SH3PXD2A: variants seen among roughly 807,000 people sequenced by gnomAD.
The protein encoded by SH3PXD2A is SH3 and PX domains 2A, also known as SH3 and PX domain-containing protein 2A.
In SH3PXD2A, 32 loss-of-function variants were observed where a neutral mutation model predicts 115.2. That is an observed-to-expected ratio of 0.28 (90% CI 0.21 to 0.37). The LOEUF (loss-of-function observed/expected upper bound fraction) is 0.37. Among genes scored for constraint, SH3PXD2A ranks in the 10% least tolerant of loss-of-function variants. The pLI, the probability that SH3PXD2A is intolerant of heterozygous loss-of-function variation, is 1.00. For missense variants in SH3PXD2A, 1,328 were observed against 1,498.7 expected, an observed-to-expected ratio of 0.89 and a Z score of 1.88; for synonymous variants, 610 against 629.1, an observed-to-expected ratio of 0.97 and a Z score of 0.45.
chr10:103,725,799 A>C (rs2038233785), intron 4 of SH3PXD2A, among the ~76,000 whole-genome samples: 1 of 152,208 alleles, frequency 6.6e-6, no homozygotes, highest in African/African-American at 2.4e-5. Context: ...ACTGCACCCC[A>C]GCCTGGGCAA....
intron 6 of SH3PXD2A, among the ~76,000 whole-genome samples, chr10:103,692,212 A>G (rs2037760931): frequency 6.6e-6 from 1 of 152,168 alleles, no homozygotes; most frequent in Non-Finnish European, 1.5e-5. Context: ...CCAGTTAACT[A>G]CAGCCCGCCC....
rs1171221946 is a variant in SH3PXD2A at position 103,661,173 on chromosome 10, G to T, written c.473-59C>A. On this transcript the variant is annotated intron_variant, in intron 7 of 14. Transcript: ENST00000369774. ...GGCCAGCCATGGCCCCGCGGCCAGG[G>T]CGCCCCCTGTCCATCGGCCTCCTCG... 14 of 1,584,316 alleles carry T rather than the reference G, an allele frequency of 8.8e-6. No homozygotes were observed. The South Asian group carries it at 1.0e-4, about 12-fold the overall frequency.
At chr10:103,820,453 A>G (rs1173215628) in intron 1 of SH3PXD2A, among the ~76,000 whole-genome samples, 18 of 152,130 alleles carry the variant, frequency 1.2e-4, no homozygotes, top group Non-Finnish European at 2.2e-4. Flanking sequence ...TTCCCGCCCC[A>G]ATTCCCCGGT....
At chr10:103,624,758 G>A (rs544511699) in intron 9 of SH3PXD2A, among the ~76,000 whole-genome samples, 1 of 152,288 alleles carries the variant, frequency 6.6e-6, no homozygotes, top group Admixed American at 6.5e-5. Context: ...TGGCTGGAGA[G>A]GGAACTAGTG....
chr10:103,725,932 G>T (rs904358921), intron 4 of SH3PXD2A, among the ~76,000 whole-genome samples: 1 of 152,194 alleles, frequency 6.6e-6, no homozygotes, highest in Non-Finnish European at 1.5e-5. Flanking sequence ...ACACCAGCAC[G>T]CAGGACCCTG....
At chr10:103,703,373 CA>C (rs1254093309) in intron 5 of SH3PXD2A, among the ~76,000 whole-genome samples, 1 of 152,226 alleles carries the variant, frequency 6.6e-6, no homozygotes, top group East Asian at 1.9e-4. Flanking sequence ...GCACCTCAGT[CA>C]GCTTAAGTCA....
In SH3PXD2A at chr10:103,746,505, A is replaced by G. The variant is rs1300654838; in HGVS notation, c.230-10697T>C. The stretch of plus-strand genomic sequence containing the variant: ...AGGCTAATTTTTTGTATTTTTTTGT[A>G]GAAACTGGGTTTCACCATGTAGCCC... On this transcript the variant is annotated intron_variant, in intron 3 of 14. Transcript: ENST00000369774. This position sits in a 1 kb window ranked among gnomAD's most constrained non-coding sequence, Gnocchi z 4.4. 6.6e-6 allele frequency among the ~76,000 whole-genome samples: 1 copy of G among 151,922 alleles called. No homozygotes were observed. Among genetic ancestry groups the G allele is most frequent in the Non-Finnish European group, 1.5e-5 (1 of 67,982 alleles).
chr10:103,664,326 T>C (rs61331661), intron 7 of SH3PXD2A, among the ~76,000 whole-genome samples: 6,935 of 152,202 alleles, frequency 0.046, 513 homozygotes, highest in African/African-American at 0.16. Flanking sequence ...ATCATAGCAA[T>C]AGTGACAGCA....
Position 103,596,529 on chromosome 10 carries a change from C to T in SH3PXD2A, c.*5287G>A, listed in dbSNP as rs911546970. 3 of 152,600 alleles carry T rather than the reference C, an allele frequency of 2.0e-5. No individual in the cohort carries two copies. The highest frequency in any genetic ancestry group is 7.2e-5 in the African/African-American group (3 of 41,418). The allele number at this position is 152,600 out of a possible 1,614,324, so 9.5% of individuals were successfully genotyped here. ...AGCTGTGAGTCCCTTGGGACCTGCC[C>T]ATTGCCAAGGACTTGTTCAATGGAG... is the stretch of plus-strand genomic sequence containing the variant. On this transcript the variant is annotated 3_prime_UTR_variant, in exon 15 of 15. Transcript: ENST00000369774.
At chr10:103,823,286 G>A (rs185765547) in intron 1 of SH3PXD2A, among the ~76,000 whole-genome samples, 146 of 152,316 alleles carry the variant, frequency 9.6e-4, no homozygotes, top group Non-Finnish European at 1.7e-3. Flanking sequence ...AGAAAAATCC[G>A]TCTCTTTTGC....
chr10:103,611,478 C>A, intron 13 of SH3PXD2A, 103 bp downstream of exon 13: 2 of 1,103,130 alleles, frequency 1.8e-6, no homozygotes, highest in South Asian at 1.3e-5. Flanking sequence ...TCTGGAAAAC[C>A]CCTGGATCAA....
chr10:103,814,960 A>G (rs953735076), intron 1 of SH3PXD2A, among the ~76,000 whole-genome samples: 3 of 148,472 alleles, frequency 2.0e-5, no homozygotes, highest in Non-Finnish European at 3.0e-5. Context: ...ACCCAAATGC[A>G]GAAGGCAAAG....
rs768102863 is a variant in SH3PXD2A, at chr10:103,608,150, T to TAAAAAAAAAAAAAAAAAGTTTACAA, written c.1309-2234_1309-2233insTTGTAAACTTTTTTTTTTTTTTTTT. ...GAGAAACACCCAAGAATGATCAATT[T>TAAAAAAAAAAAAAAAAAGTTTACAA]AAAAAAAAAAAAAAAAAAAAGAACA... On this transcript the variant is annotated intron_variant, in intron 13 of 14. Transcript: ENST00000369774. 3.7e-4 allele frequency among the ~76,000 whole-genome samples: 12 copies of TAAAAAAAAAAAAAAAAAGTTTACAA among 32,654 alleles called. 1 individual carries two copies. Among genetic ancestry groups the TAAAAAAAAAAAAAAAAAGTTTACAA allele is most frequent in the Admixed American group, 1.2e-3 (3 of 2,416 alleles). 21.4% of individuals were successfully genotyped at this position (32,654 alleles called of 152,430 possible).
intron 2 of SH3PXD2A, among the ~76,000 whole-genome samples, chr10:103,799,204 A>C (rs559840206): frequency 1.3e-5 from 2 of 152,326 alleles, no homozygotes; most frequent in East Asian, 3.9e-4. Context: ...TCTGAGGTGC[A>C]CCAATGACCA....
At chr10:103,664,537 T>C (rs1017552908) in intron 7 of SH3PXD2A, among the ~76,000 whole-genome samples, 1 of 152,180 alleles carries the variant, frequency 6.6e-6, no homozygotes, top group African/African-American at 2.4e-5. Flanking sequence ...GCCTATGATC[T>C]TAACTTCTGC....
intron 12 of SH3PXD2A, 137 bp from the exon 13 acceptor site, chr10:103,611,767 C>T (rs1305894804): frequency 5.5e-6 from 4 of 729,964 alleles, no homozygotes; most frequent in Admixed American, 2.1e-5. Context: ...GGACTTGACA[C>T]TCTAAGTCAC....
In SH3PXD2A at chr10:103,597,571, C is replaced by A. The variant is rs2036153707; in HGVS notation, c.*4245G>T. 6.6e-6 allele frequency: 1 copy of A among 152,474 alleles called. No individual in the cohort carries two copies. Among genetic ancestry groups the A allele is most frequent in the Non-Finnish European group, 1.5e-5 (1 of 68,068 alleles). 9.4% of individuals were successfully genotyped at this position (152,474 alleles called of 1,614,324 possible). A position where few individuals can be genotyped will look rare whatever the true frequency, so the allele number is the denominator to read the frequency against. ...CTTCTGGGTGGATCTGGCAGGGACCCCTATCATCTTCCCAAAGAAGGGGGA... is the reference window on the plus strand; with the variant it reads ...CTTCTGGGTGGATCTGGCAGGGACCACTATCATCTTCCCAAAGAAGGGGGA... On this transcript the variant is annotated 3_prime_UTR_variant, in exon 15 of 15. Transcript: ENST00000369774.
intron 2 of SH3PXD2A, among the ~76,000 whole-genome samples, chr10:103,788,052 C>T (rs537846942): frequency 2.8e-4 from 42 of 152,266 alleles, no homozygotes; most frequent in Admixed American, 1.4e-3. Context: ...AAAAATGTTC[C>T]CCTAATCCAG....
At chr10:103,750,138 G>C (rs1228469146) in intron 3 of SH3PXD2A, among the ~76,000 whole-genome samples, 1 of 152,072 alleles carries the variant, frequency 6.6e-6, no homozygotes, top group Non-Finnish European at 1.5e-5. Flanking sequence ...CTGTAGCCTC[G>C]ACCTCCGAGC....
Sources: allele counts gnomAD v4.1 joint callset (sites outside exome capture counted in the v4.1 genomes callset), GRCh38; gene constraint gnomAD v4.1.1; non-coding constraint Gnocchi (gnomAD v3.1); transcripts MANE v1.5; gene names NCBI Gene and HGNC (gene_info 2026-07-23, HGNC 2026-07-21).